Variants in ZFP90 observed in about 807,000 individuals in gnomAD.
ZFP90 encodes the protein zinc finger protein 90 homolog.
ZFP90 carries 38 observed loss-of-function variants against 60.8 expected under a neutral mutation model. That is an observed-to-expected ratio of 0.62 (90% CI 0.48 to 0.82). ZFP90 has a LOEUF of 0.82. ZFP90 is among the 40% of genes least tolerant of loss of function. The pLI is 0.00. For missense variants in ZFP90, 711 were observed against 759.1 expected, an observed-to-expected ratio of 0.94 and a Z score of 0.74; for synonymous variants, 287 against 264.8, an observed-to-expected ratio of 1.08 and a Z score of -0.82.
intron 2 of ZFP90, among the ~76,000 whole-genome samples, chr16:68,555,521 A>G (rs1163244653): frequency 3.9e-5 from 6 of 152,208 alleles, no homozygotes; most frequent in South Asian, 2.1e-4. Context: ...TTAAGGCTCA[A>G]CTCATTCAGG....
At chr16:68,555,323 A>C (rs555054613) in intron 2 of ZFP90, 1 of 152,188 alleles carries the variant, frequency 6.6e-6, no homozygotes. Flanking sequence ...TAGTCTGTCA[A>C]ATCTCTAACC....
At chr16:68,549,232 T>G (rs2091210618) in intron 2 of ZFP90, among the ~76,000 whole-genome samples, 3 of 152,218 alleles carry the variant, frequency 2.0e-5, no homozygotes, top group Admixed American at 2.0e-4. Flanking sequence ...TCAAGAAATC[T>G]GAGCTGTTGC....
chr16:68,548,788 C>A (rs146413734), intron 2 of ZFP90, among the ~76,000 whole-genome samples: 8 of 152,238 alleles, frequency 5.3e-5, no homozygotes, highest in African/African-American at 1.9e-4. Flanking sequence ...CTGTGCCCAG[C>A]CTTATCCTCC....
At chr16:68,562,049 C>A (rs2091446804) in intron 4 of ZFP90, 1 of 152,162 alleles carries the variant, frequency 6.6e-6, no homozygotes, top group South Asian at 2.1e-4. Flanking sequence ...ATCTATCAAT[C>A]CATCTTACTT....
downstream of ZFP90, among the ~76,000 whole-genome samples, chr16:68,570,610 C>T (rs918827566): frequency 2.3e-4 from 35 of 152,204 alleles, no homozygotes; most frequent in African/African-American, 4.8e-4. Context: ...GAGGGTCTTA[C>T]GCTAATGAGC....
At chr16:68,539,558 T>A in intron 1 of ZFP90, 79 bp downstream of exon 1, 1 of 531,660 alleles carries the variant, frequency 1.9e-6, no homozygotes, top group South Asian at 2.6e-5. Flanking sequence ...CGAAGGGGAC[T>A]GGGCGTGGCC....
chr16:68,569,643 T>A (rs552486150), downstream of ZFP90, among the ~76,000 whole-genome samples: 5 of 152,082 alleles, frequency 3.3e-5, no homozygotes, highest in Non-Finnish European at 7.4e-5. Context: ...GACTCACACT[T>A]TTAATCTCAA....
rs10538200 is a variant in ZFP90 at position 68,551,415 on chromosome 16, C to CTTTTTTTTTTTTTTTTTT, written c.34-6577_34-6560dup. 1.6e-5 allele frequency among the ~76,000 whole-genome samples: 2 copies of CTTTTTTTTTTTTTTTTTT among 123,024 alleles called. 1 individual carries two copies. The allele number at this position is 123,024 out of a possible 152,430, so 80.7% of individuals were successfully genotyped here. A position where few individuals can be genotyped will look rare whatever the true frequency, so the allele number is the denominator to read the frequency against. On this transcript the variant is annotated intron_variant, in intron 2 of 4. Transcript: ENST00000563169. ...GCATAAGGAAAGGGAACATGTGATC[C>CTTTTTTTTTTTTTTTTTT]TTTTTTTTTTTTTTTTTTTTTTTGG... is the stretch of plus-strand genomic sequence containing the variant.
intron 2 of ZFP90, among the ~76,000 whole-genome samples, chr16:68,542,524 G>A (rs1416656869): frequency 6.6e-6 from 1 of 152,084 alleles, no homozygotes; most frequent in African/African-American, 2.4e-5. Flanking sequence ...CTGGGAGGTG[G>A]AGGTTGCAGT....
At chr16:68,548,559 C>T (rs1477692216) in intron 2 of ZFP90, among the ~76,000 whole-genome samples, 2 of 141,908 alleles carry the variant, frequency 1.4e-5, no homozygotes, top group Admixed American at 7.6e-5. Context: ...GGCGCAATCT[C>T]GGCTCACCGC....
intron 1 of ZFP90, chr16:68,533,597 A>G (rs1728779): frequency 0.32 from 49,038 of 152,074 alleles, 9,704 homozygotes; most frequent in East Asian, 0.54. Flanking sequence ...TGTTTTTCCA[A>G]AAATCCCTCT....
intron 4 of ZFP90, among the ~76,000 whole-genome samples, chr16:68,561,011 C>G (rs1031279476): frequency 6.6e-6 from 1 of 152,142 alleles, no homozygotes; most frequent in Non-Finnish European, 1.5e-5. Flanking sequence ...GCTCCTGCCT[C>G]AGCCATCTGA....
Position 68,563,639 on chromosome 16 carries a change from C to T in ZFP90, c.852C>T (p.Cys284=). The change falls in exon 5 of 5, where the codon TGC becomes TGT. Residue 284 remains cysteine (C), a synonymous_variant. Coordinates refer to ENST00000563169, the MANE Select transcript of ZFP90 (RefSeq NM_001305203.2). ...RIHTGEKPFE[C]NVCGKAFRHS... is the part of the protein sequence containing the mutation. ...ACACTGGGGAGAAACCCTTTGAATG[C>T]AATGTATGTGGAAAGGCCTTCAGGC... is the stretch of plus-strand genomic sequence containing the variant. The T allele has an allele frequency of 1.2e-6, 2 of 1,614,006 alleles. No individual in the cohort carries two copies. The highest frequency in any genetic ancestry group is 1.7e-6 in the Non-Finnish European group (2 of 1,179,982).
At chr16:68,569,495 T>TC (rs2091555988), downstream of ZFP90, among the ~76,000 whole-genome samples, 1 of 152,208 alleles carries the variant, frequency 6.6e-6, no homozygotes, top group Non-Finnish European at 1.5e-5. Context: ...CCAGTCATTG[T>TC]CCCACTCTTT....
Position 68,563,505 on chromosome 16 carries a change from C to A in ZFP90, c.718C>A (p.Pro240Thr), listed in dbSNP as rs772890315. 1.2e-6 allele frequency: 2 copies of A among 1,614,154 alleles called. No homozygotes were observed. The highest frequency in any genetic ancestry group is 2.2e-5 in the South Asian group (2 of 91,076). ...EKTHKGEGAF[P>T]NGTDQGIYPG... is the part of the protein sequence containing the mutation. Reference sequence around the variant, plus strand: ...AACACATAAAGGAGAGGGAGCTTTCCCTAATGGAACAGATCAAGGAATTTA... The same window carrying A: ...AACACATAAAGGAGAGGGAGCTTTCACTAATGGAACAGATCAAGGAATTTA... Residue 240 changes from proline to threonine, a missense_variant, in exon 5 of 5, where the codon CCT (proline) becomes ACT (threonine). By Grantham distance (38) the Pro-to-Thr change is conservative. Around this residue, in one of 5 missense-constraint regions of ZFP90, gnomAD observed 241 missense variants for 247.6 expected, o/e 0.97. Transcript: ENST00000563169.
In ZFP90 at chr16:68,564,391, G is replaced by A. The variant is rs2091489707; in HGVS notation, c.1604G>A (p.Ser535Asn). Residue 535 changes from serine (S) to asparagine (N), a missense_variant, in exon 5 of 5, where the codon AGT (serine) becomes AAT (asparagine). Transcript: ENST00000563169. The part of the protein sequence containing the change: ...YECNECGEAF[S>N]RRSSLTQHER... ...TGTAATGAGTGTGGAGAAGCCTTTA[G>A]TCGACGCTCATCGCTTACTCAACAT... 1 of 1,613,814 alleles carries A rather than the reference G, an allele frequency of 6.2e-7. No homozygotes were observed. The highest frequency in any genetic ancestry group is 8.5e-7 in the Non-Finnish European group (1 of 1,179,934).
intron 2 of ZFP90, chr16:68,555,153 G>A (rs1256018231): frequency 6.6e-6 from 1 of 152,226 alleles, no homozygotes; most frequent in Non-Finnish European, 1.5e-5. Flanking sequence ...TGCTTTGAGC[G>A]CCTGCAGCAC....
At chr16:68,546,463 C>G (rs1202476925) in intron 2 of ZFP90, among the ~76,000 whole-genome samples, 1 of 152,174 alleles carries the variant, frequency 6.6e-6, no homozygotes, top group Admixed American at 6.6e-5. Context: ...CTTTCTATCT[C>G]TATGATTTTA....
At chr16:68,539,093 A>C (rs2090986057), upstream of ZFP90, 1 of 152,222 alleles carries the variant, frequency 6.6e-6, no homozygotes, top group South Asian at 2.1e-4. Flanking sequence ...TGCAAAGAGG[A>C]GGCGGACAGT....
Sources: gnomAD v4.1 joint callset for allele counts (sites outside exome capture counted in the v4.1 genomes callset) on GRCh38, gnomAD v4.1.1 for gene constraint, gnomAD v4.1.1 regional missense constraint, MANE v1.5 for transcripts, NCBI Gene and HGNC (gene_info 2026-07-23, HGNC 2026-07-21) for gene names.